NUP210: variants seen among roughly 807,000 people sequenced by gnomAD.
NUP210 encodes the protein nuclear pore membrane glycoprotein 210.
NUP210 carries 151 observed loss-of-function variants against 196.0 expected under a neutral mutation model. The observed-to-expected ratio is 0.77, with a 90% confidence interval of 0.67 to 0.88. The LOEUF (loss-of-function observed/expected upper bound fraction) is 0.88. NUP210 is among the 40% of genes least tolerant of loss of function. NUP210 has a pLI of 0.00. For synonymous variants in NUP210, 1,070 were observed against 1,052.7 expected (o/e 1.02, Z -0.32); for missense variants, 2,314 against 2,493.7 (o/e 0.93, Z 1.53).
chr3:13,330,626 G>A lies in NUP210; in HGVS notation c.3944C>T (p.Ala1315Val). Reference protein sequence around the residue: ...YIKLQTNRDGAASLSYRVLDG... With the variant: ...YIKLQTNRDGVASLSYRVLDG... Reference sequence around the variant, plus strand: ...CAGGACGCGGTAGCTCAGAGAGGCTGCACCATCCCTTTGGAAAACAAAACA... The same window carrying A: ...CAGGACGCGGTAGCTCAGAGAGGCTACACCATCCCTTTGGAAAACAAAACA... The change falls in exon 30 of 40, where the codon GCA becomes GTA. Residue 1315 changes from alanine to valine, a missense_variant. Ala to Val is a moderately conservative substitution (Grantham distance 64). Transcript: ENST00000254508. The A allele has an allele frequency of 6.2e-7, 1 of 1,613,668 alleles. No individual in the cohort carries two copies. Among genetic ancestry groups the A allele is most frequent in the Non-Finnish European group, 8.5e-7 (1 of 1,179,818 alleles).
chr3:13,342,449 G>A (rs759139014), intron 21 of NUP210, among the ~76,000 whole-genome samples: 17 of 152,196 alleles, frequency 1.1e-4, no homozygotes, highest in Non-Finnish European at 2.2e-4. Flanking sequence ...CTCACACCTG[G>A]CAGTGTATAA....
At chr3:13,403,398 G>A (rs1001202673) in intron 1 of NUP210, among the ~76,000 whole-genome samples, 1 of 152,184 alleles carries the variant, frequency 6.6e-6, no homozygotes, top group Non-Finnish European at 1.5e-5. Context: ...TTTTGTATAA[G>A]GGCACTAATC....
In NUP210 at chr3:13,402,212, A is replaced by C. The variant is rs1699860663; in HGVS notation, c.168-2351T>G. 2.0e-5 allele frequency among the ~76,000 whole-genome samples: 3 copies of C among 152,120 alleles called. No individual in the cohort carries two copies. In the South Asian group the frequency reaches 6.2e-4, roughly 32 times the overall value. ...AGGTCCCGTCTCAAGCAAACAAACA[A>C]GTAGAATAAATGAATAAATATAAAG... is the stretch of plus-strand genomic sequence containing the variant. On this transcript the variant is annotated intron_variant, in intron 1 of 39. Coordinates refer to ENST00000254508, the MANE Select transcript of NUP210 (RefSeq NM_024923.4).
chr3:13,325,938 A>G lies in NUP210; in HGVS notation c.4508-7T>C. The G allele has an allele frequency of 1.9e-6, 3 of 1,613,514 alleles. No homozygotes were observed. The highest frequency in any genetic ancestry group is 2.5e-6 in the Non-Finnish European group (3 of 1,179,866). ...CTCCAGGTTCCTGAGAGGCCTGGAGAGGAAGCACAGGTGTCAGCCCCCTTT... is the reference window on the plus strand; with the variant it reads ...CTCCAGGTTCCTGAGAGGCCTGGAGGGGAAGCACAGGTGTCAGCCCCCTTT... On this transcript the variant is annotated splice_region_variant and splice_polypyrimidine_tract_variant and intron_variant, in intron 32 of 39. Coordinates refer to ENST00000254508, the MANE Select transcript of NUP210 (RefSeq NM_024923.4).
At chr3:13,339,584 T>C (rs1697373861) in intron 25 of NUP210, among the ~76,000 whole-genome samples, 1 of 152,240 alleles carries the variant, frequency 6.6e-6, no homozygotes, top group African/African-American at 2.4e-5. Flanking sequence ...GGAAGGGCCC[T>C]TTGGGGCCGG....
At chr3:13,339,710 C>G in intron 25 of NUP210, 144 bp downstream of exon 25, 1 of 727,774 alleles carries the variant, frequency 1.4e-6, no homozygotes, top group Non-Finnish European at 2.3e-6. Flanking sequence ...CTGTCCTGCA[C>G]CAGGGCCCCT....
chr3:13,342,295 C>T (rs547071052), intron 21 of NUP210, among the ~76,000 whole-genome samples, 172 bp from the exon 22 acceptor site: 2 of 152,234 alleles, frequency 1.3e-5, no homozygotes, highest in African/African-American at 4.8e-5. Flanking sequence ...AAATGAAAAT[C>T]GATGAGGGGG....
In NUP210 at chr3:13,336,822, G is replaced by A. The variant is rs143543939; in HGVS notation, c.3649C>T (p.Arg1217Trp). 1.9e-4 allele frequency: 312 copies of A among 1,613,662 alleles called. No individual in the cohort carries two copies. The highest frequency in any genetic ancestry group is 4.5e-5 in the Non-Finnish European group (53 of 1,179,876). Residue 1217 changes from arginine (R) to tryptophan (W), a missense_variant, in exon 27 of 40, where the codon CGG (arginine) becomes TGG (tryptophan). Arg to Trp is a moderately radical substitution (Grantham distance 101). Transcript: ENST00000254508. ...GLTFHWSVTKRDVLDLRGRHH... is the reference protein window; with the variant it reads ...GLTFHWSVTKWDVLDLRGRHH... ...CGCCCTCGGAGGTCCAGGACGTCCC[G>A]CTTGGTGACAGACCAGTGGAAGGTC...
At chr3:13,330,794 T>C (rs1300577384) in intron 29 of NUP210, among the ~76,000 whole-genome samples, 160 bp from the exon 30 acceptor site, 1 of 152,174 alleles carries the variant, frequency 6.6e-6, no homozygotes, top group Non-Finnish European at 1.5e-5. Flanking sequence ...TGCCGTCAGT[T>C]GTCTGAGGCT....
At chr3:13,391,970 G>A (rs1003114458) in intron 3 of NUP210, among the ~76,000 whole-genome samples, 8 of 152,118 alleles carry the variant, frequency 5.3e-5, no homozygotes, top group Non-Finnish European at 1.0e-4. Flanking sequence ...CCTCTTGAAA[G>A]GATGAAGATC....
intron 36 of NUP210, 94 bp from the exon 37 acceptor site, chr3:13,320,073 G>T: frequency 8.9e-7 from 1 of 1,123,604 alleles, no homozygotes; most frequent in Non-Finnish European, 1.3e-6. Context: ...GGGCTGCTCT[G>T]CATGGCCATC....
intron 20 of NUP210, chr3:13,344,970 C>T: frequency 4.1e-6 from 4 of 985,458 alleles, no homozygotes; most frequent in Non-Finnish European, 4.8e-6. Flanking sequence ...CTTCTGGGGG[C>T]TGGTCCTGCC....
chr3:13,391,141 G>T, intron 4 of NUP210, 70 bp downstream of exon 4: 2 of 1,068,704 alleles, frequency 1.9e-6, no homozygotes, highest in Non-Finnish European at 2.8e-6. Context: ...CCCCGCTGGT[G>T]AGGAGCTCAC....
chr3:13,420,038 C>T lies in NUP210; in HGVS notation c.167+22G>A, dbSNP rs1459467763. On this transcript the variant is annotated intron_variant, in intron 1 of 39. Coordinates refer to ENST00000254508, the MANE Select transcript of NUP210 (RefSeq NM_024923.4). This position sits in a 1 kb window ranked among gnomAD's most constrained non-coding sequence, Gnocchi z 4.8. ...GCCCAGCCCGGCCCACGGCGCCCGC[C>T]CGGCCCGGCCGCGCGCCTCACCAGC... The T allele has an allele frequency of 8.2e-7, 1 of 1,222,456 alleles. No homozygotes were observed. The highest frequency in any genetic ancestry group is 1.0e-6 in the Non-Finnish European group (1 of 968,276). 75.7% of individuals were successfully genotyped at this position (1,222,456 alleles called of 1,614,324 possible).
At chr3:13,317,894 A>G in intron 39 of NUP210, 113 bp from the exon 40 acceptor site, 1 of 732,202 alleles carries the variant, frequency 1.4e-6, no homozygotes, top group East Asian at 2.7e-5. Context: ...TCTCACAGTG[A>G]TGCCCCGAGG....
intron 14 of NUP210, among the ~76,000 whole-genome samples, chr3:13,363,405 A>T (rs1425759299): frequency 6.6e-6 from 1 of 152,252 alleles, no homozygotes; most frequent in African/African-American, 2.4e-5. Flanking sequence ...TGACCAGCCC[A>T]AAGTGAAAGA....
chr3:13,384,111 C>T (rs910385384), intron 6 of NUP210, among the ~76,000 whole-genome samples: 1 of 152,022 alleles, frequency 6.6e-6, no homozygotes, highest in African/African-American at 2.4e-5. Flanking sequence ...TACAGGCGTG[C>T]GCCACCACAC....
intron 32 of NUP210, among the ~76,000 whole-genome samples, chr3:13,326,901 G>A (rs536682997): frequency 2.6e-3 from 389 of 152,372 alleles, no homozygotes; most frequent in African/African-American, 8.8e-3. Flanking sequence ...TGTGAAGGTC[G>A]GACATAAGCA....
rs1699476402 is a variant in NUP210, at chr3:13,391,133, C to T, written c.533+78G>A. 6.1e-6 allele frequency: 6 copies of T among 984,938 alleles called. No individual in the cohort carries two copies. In the Admixed American group the frequency reaches 1.2e-4, roughly 19 times the overall value. 61.0% of individuals were successfully genotyped at this position (984,938 alleles called of 1,614,324 possible). A position where few individuals can be genotyped will look rare whatever the true frequency, so the allele number is the denominator to read the frequency against. On this transcript the variant is annotated intron_variant, in intron 4 of 39. Coordinates refer to ENST00000254508, the MANE Select transcript of NUP210 (RefSeq NM_024923.4). ...CCTCAATGACCCAGATGAAAGCCCCCCGCTGGTGAGGAGCTCACAGGTGTC... is the reference window on the plus strand; with the variant it reads ...CCTCAATGACCCAGATGAAAGCCCCTCGCTGGTGAGGAGCTCACAGGTGTC...
Sources: gnomAD v4.1 joint callset for allele counts (sites outside exome capture counted in the v4.1 genomes callset) on GRCh38, gnomAD v4.1.1 for gene constraint, Gnocchi (gnomAD v3.1) non-coding constraint, MANE v1.5 for transcripts, NCBI Gene and HGNC (gene_info 2026-07-23, HGNC 2026-07-21) for gene names.